Variants in PCDHA4 observed in about 807,000 individuals in gnomAD.
PCDHA4 encodes the protein protocadherin alpha-4.
PCDHA4 carries 49 observed loss-of-function variants against 61.4 expected under a neutral mutation model. The ratio of observed to expected loss-of-function variants is 0.80; its 90% CI spans 0.63 to 1.01. PCDHA4 has a LOEUF of 1.01. Among genes scored for constraint, PCDHA4 ranks in the 50% least tolerant of loss-of-function variants. The pLI is 0.00. For missense variants in PCDHA4, 1,254 were observed against 1,235.8 expected, an observed-to-expected ratio of 1.01 and a Z score of -0.22; for synonymous variants, 590 against 550.3, an observed-to-expected ratio of 1.07 and a Z score of -1.01.
In PCDHA4 at chr5:140,947,454, C is replaced by G. The variant is rs138457341; in HGVS notation, c.2386-31495C>G. 3.0e-4 allele frequency among the ~76,000 whole-genome samples: 45 copies of G among 151,700 alleles called. No individual in the cohort carries two copies. In the East Asian group the frequency reaches 8.3e-3, roughly 28 times the overall value. On this transcript the variant is annotated intron_variant, in intron 1 of 3. Coordinates refer to ENST00000530339, the MANE Select transcript of PCDHA4 (RefSeq NM_018907.4). ...AAAATCAGCTGTGAAATCCTCCAACCTTGTTCTACTTGTAAACATTGTTTT... is the reference window on the plus strand; with the variant it reads ...AAAATCAGCTGTGAAATCCTCCAACGTTGTTCTACTTGTAAACATTGTTTT...
intron 1 of PCDHA4, chr5:140,841,338 G>C (rs2150313822): frequency 1.2e-6 from 2 of 1,611,372 alleles, no homozygotes; most frequent in South Asian, 1.1e-5. Flanking sequence ...TATCACTGGC[G>C]AGGAGAGCTG....
rs563178599 is a variant in PCDHA4, at chr5:140,863,384, C to G, written c.2385+53812C>G. The G allele has an allele frequency of 5.4e-5, 56 of 1,044,914 alleles. No homozygotes were observed. In the South Asian group the frequency reaches 6.5e-4, roughly 12 times the overall value. The allele number at this position is 1,044,914 out of a possible 1,614,324, so 64.7% of individuals were successfully genotyped here. On this transcript the variant is annotated intron_variant, in intron 1 of 3. Coordinates refer to ENST00000530339, the MANE Select transcript of PCDHA4 (RefSeq NM_018907.4). ...TGCTTGGCGCAGCTCACCGAGAGCT[C>G]GTGCATGCCGGGCAAGCCCACGCTG... is the stretch of plus-strand genomic sequence containing the variant.
chr5:140,869,332 G>A, intron 1 of PCDHA4: 3 of 1,613,960 alleles, frequency 1.9e-6, no homozygotes, highest in Middle Eastern at 1.7e-4. Flanking sequence ...CCTTCTGGAG[G>A]TAAATCTGCA....
chr5:140,937,911 C>CAA lies in PCDHA4; in HGVS notation c.2386-41023_2386-41022dup, dbSNP rs200797202. On this transcript the variant is annotated intron_variant, in intron 1 of 3. Transcript: ENST00000530339. Reference sequence around the variant, plus strand: ...TGGGCGACAGAGTGAGACTCCGTCTCAAAAAAAAAAAAAAAAGTTTAATTT... The same window carrying CAA: ...TGGGCGACAGAGTGAGACTCCGTCTCAAAAAAAAAAAAAAAAAAGTTTAATTT... Among the ~76,000 whole-genome samples, 8 of 117,946 alleles carry CAA rather than the reference C, an allele frequency of 6.8e-5. No individual in the cohort carries two copies. In the East Asian group the frequency reaches 1.1e-3, roughly 17 times the overall value. The allele number at this position is 117,946 out of a possible 152,430, so 77.4% of individuals were successfully genotyped here.
intron 3 of PCDHA4, among the ~76,000 whole-genome samples, chr5:141,005,089 A>G (rs1554259886): frequency 6.6e-6 from 1 of 152,244 alleles, no homozygotes; most frequent in East Asian, 1.9e-4. Context: ...TTAGTACTTT[A>G]CATGCATTAC....
intron 1 of PCDHA4, among the ~76,000 whole-genome samples, chr5:140,908,581 G>A (rs2074042639): frequency 6.6e-6 from 1 of 152,178 alleles, no homozygotes; most frequent in Non-Finnish European, 1.5e-5. Context: ...AAGGAGAGTA[G>A]TTAGCTGCAG....
intron 1 of PCDHA4, among the ~76,000 whole-genome samples, chr5:140,921,749 A>G (rs1366376226): frequency 6.6e-6 from 1 of 152,196 alleles, no homozygotes; most frequent in Non-Finnish European, 1.5e-5. Context: ...GCATAACAGG[A>G]CACTTCTTGG....
chr5:140,836,311 C>T (rs1774359365), intron 1 of PCDHA4: 4 of 1,613,662 alleles, frequency 2.5e-6, no homozygotes, highest in Admixed American at 3.3e-5. Flanking sequence ...ACGGACGCAC[C>T]GCGCCACCGC....
intron 3 of PCDHA4, among the ~76,000 whole-genome samples, chr5:140,985,614 C>G (rs2097160648): frequency 6.6e-6 from 1 of 152,100 alleles, no homozygotes; most frequent in East Asian, 1.9e-4. Flanking sequence ...TTCCGTGAAC[C>G]AGCTGTGTAT....
chr5:140,865,381 G>A (rs1260895548), intron 1 of PCDHA4: 3 of 152,122 alleles, frequency 2.0e-5, no homozygotes, highest in African/African-American at 7.2e-5. Context: ...TATAGGTAGG[G>A]TAAAGTTAAT....
chr5:140,920,747 G>A (rs565649077), intron 1 of PCDHA4, among the ~76,000 whole-genome samples: 10 of 152,052 alleles, frequency 6.6e-5, no homozygotes, highest in African/African-American at 2.4e-4. Context: ...AGGAGGCTGA[G>A]GCAGGAGAAT....
chr5:140,969,372 T>G, intron 1 of PCDHA4: 1 of 1,606,704 alleles, frequency 6.2e-7, no homozygotes, highest in Non-Finnish European at 8.5e-7. Context: ...ACTCATGCAT[T>G]TGTTACACAT....
intron 1 of PCDHA4, among the ~76,000 whole-genome samples, chr5:140,846,830 A>G (rs965797545): frequency 6.7e-6 from 1 of 149,758 alleles, no homozygotes; most frequent in Admixed American, 6.7e-5. Context: ...AATAAAGAAT[A>G]TGAGTCACAC....
intron 1 of PCDHA4, among the ~76,000 whole-genome samples, chr5:140,965,342 G>T (rs2095891598): frequency 6.6e-6 from 1 of 152,130 alleles, no homozygotes; most frequent in South Asian, 2.1e-4. Context: ...TTGTCTCTGT[G>T]TTGCCTCTAT....
At position 140,849,621 on chromosome 5, in the gene PCDHA4, G is replaced by C. The variant is rs2150442688; in HGVS notation, c.2385+40049G>C. 15 of 1,598,666 alleles carry C rather than the reference G, an allele frequency of 9.4e-6. 1 individual carries two copies. The highest frequency in any genetic ancestry group is 1.7e-5 in the Admixed American group (1 of 59,290). ...AGTTATTGCCCTGATTAGTGTGATCGACCTAGACGCAGATGCCAACGGGCA... is the reference window on the plus strand; with the variant it reads ...AGTTATTGCCCTGATTAGTGTGATCCACCTAGACGCAGATGCCAACGGGCA... On this transcript the variant is annotated intron_variant, in intron 1 of 3. Coordinates refer to ENST00000530339, the MANE Select transcript of PCDHA4 (RefSeq NM_018907.4).
chr5:140,870,356 G>C lies in PCDHA4; in HGVS notation c.2385+60784G>C, dbSNP rs17119218. On this transcript the variant is annotated intron_variant, in intron 1 of 3. Coordinates refer to ENST00000530339, the MANE Select transcript of PCDHA4 (RefSeq NM_018907.4). ...AGCGCCCTGGACCGCGAGAACGTGT[G>C]GGCCTATGAACTGGTGGTGACTGCG... 1,853 of 1,614,212 alleles carry C rather than the reference G, an allele frequency of 1.1e-3. 14 individuals are homozygous for C. In the African/African-American group the frequency reaches 0.018, roughly 16 times the overall value.
chr5:140,874,673 TG>T (rs1192690253), intron 1 of PCDHA4, among the ~76,000 whole-genome samples: 4 of 152,260 alleles, frequency 2.6e-5, no homozygotes, highest in African/African-American at 9.6e-5. Context: ...AATCTATTCC[TG>T]AGATTTGTTT....
At position 141,010,264 on chromosome 5, in the gene PCDHA4, G is replaced by A. The variant is rs1265692233; in HGVS notation, c.*327G>A. On this transcript the variant is annotated 3_prime_UTR_variant, in exon 4 of 4. Transcript: ENST00000530339. ...GGTTGGACTCTCTGCCCTGTGCTCC[G>A]GGGATCCTGTCTTGATGACACTTGC... The A allele has an allele frequency of 1.4e-5, 22 of 1,551,586 alleles. No individual in the cohort carries two copies. The highest frequency in any genetic ancestry group is 1.1e-4 in the South Asian group (9 of 84,060).
At chr5:140,841,728 A>G (rs1777450155) in intron 1 of PCDHA4, 3 of 1,613,768 alleles carry the variant, frequency 1.9e-6, no homozygotes, top group Admixed American at 3.3e-5. Flanking sequence ...TTCCGGGTAA[A>G]AGACCAAAAG....
Sources: allele counts gnomAD v4.1 joint callset (sites outside exome capture counted in the v4.1 genomes callset), GRCh38; gene constraint gnomAD v4.1.1; transcripts MANE v1.5; gene names NCBI Gene and HGNC (gene_info 2026-07-23, HGNC 2026-07-21).